The following PIEZO1 variants were observed in gnomAD, a reference collection of about 807,000 sequenced individuals.
PIEZO1 encodes piezo type mechanosensitive ion channel component 1 (Er blood group).
A neutral mutation model predicts 297.2 loss-of-function variants in PIEZO1; 296 were observed. The observed-to-expected ratio is 1.00, with a 90% CI of 0.91 to 1.10. PIEZO1 has a LOEUF of 1.10. PIEZO1 is among the 50% of genes least tolerant of loss of function. The pLI, the probability that PIEZO1 is intolerant of heterozygous loss-of-function variation, is 0.00. For missense variants in PIEZO1, 5,018 were observed against 3,455.5 expected (o/e 1.45, Z -11.34); for synonymous variants, 2,427 against 1,507.5 (o/e 1.61, Z -14.13).
intron 7 of PIEZO1, 28 bp from the exon 8 acceptor site, chr16:88,738,133 A>C: frequency 1.3e-6 from 2 of 1,535,396 alleles, no homozygotes; most frequent in Non-Finnish European, 1.7e-6. Flanking sequence ...GTCACAGCCT[A>C]CCACCCCAGA....
chr16:88,735,277 C>T lies in PIEZO1; in HGVS notation c.1558-31G>A, dbSNP rs1164347026. The T allele has an allele frequency of 1.2e-5, 18 of 1,479,600 alleles. No homozygotes were observed. The East Asian group carries it at 1.2e-4, about 10-fold the overall frequency. The allele number at this position is 1,479,600 out of a possible 1,614,324, so 91.7% of individuals were successfully genotyped here. A position where few individuals can be genotyped will look rare whatever the true frequency, so the allele number is the denominator to read the frequency against. The stretch of plus-strand genomic sequence containing the variant: ...ACAAGCGCAGGGTGTCACAGTCAGC[C>T]GGGGGGCCCAGCACCCCTCCCACAG... On this transcript the variant is annotated intron_variant, in intron 12 of 50. Coordinates refer to ENST00000301015, the MANE Select transcript of PIEZO1 (RefSeq NM_001142864.4).
Position 88,719,136 on chromosome 16 carries a change from G to A in PIEZO1, c.6471+438C>T, listed in dbSNP as rs370413796. The A allele has an allele frequency of 2.5e-5, 5 of 199,016 alleles. No homozygotes were observed. In the East Asian group the frequency reaches 4.1e-4, roughly 16 times the overall value. The allele number at this position is 199,016 out of a possible 1,614,324, so 12.3% of individuals were successfully genotyped here. On this transcript the variant is annotated intron_variant, in intron 44 of 50. Coordinates refer to ENST00000301015, the MANE Select transcript of PIEZO1 (RefSeq NM_001142864.4). ...AGTGCTGGGATGATAGGGGTGAGCC[G>A]CTGTGCCCGGCCCGGGGTTTCTTTT...
intron 1 of PIEZO1, among the ~76,000 whole-genome samples, chr16:88,752,769 CCAACGTCACCCGGCAGGG>C (rs148025163): frequency 0.015 from 2,231 of 152,188 alleles, 59 homozygotes; most frequent in African/African-American, 0.05. Context: ...CCCCGGCAGG[CCAACGTCACCCGGCAGGG>C]CAAGTCCCCT....
chr16:88,716,387 C>G lies in PIEZO1; in HGVS notation c.7023G>C (p.Leu2341=). Residue 2341 remains leucine, a synonymous_variant, in exon 48 of 51, where the codon CTG becomes CTC. Coordinates refer to ENST00000301015, the MANE Select transcript of PIEZO1 (RefSeq NM_001142864.4). The part of the protein sequence containing the change: ...NSTARRQLAS[L]LEGTSDQSVV... Reference sequence around the variant, plus strand: ...CAGACTGGTCCGAGGTGCCCTCGAGCAGGCTGGCCAGCTGCCGCCGTGCAG... The same window carrying G: ...CAGACTGGTCCGAGGTGCCCTCGAGGAGGCTGGCCAGCTGCCGCCGTGCAG... 6.5e-7 allele frequency: 1 copy of G among 1,546,770 alleles called. No individual in the cohort carries two copies. Among genetic ancestry groups the G allele is most frequent in the Non-Finnish European group, 8.7e-7 (1 of 1,144,838 alleles).
At chr16:88,734,282 A>C (rs1905062960) in intron 16 of PIEZO1, 74 bp downstream of exon 16, 1 of 1,362,722 alleles carries the variant, frequency 7.3e-7, no homozygotes, top group Admixed American at 2.8e-5. Context: ...CTCCTGTCCA[A>C]CTCCCACCTG....
intron 27 of PIEZO1, 93 bp downstream of exon 27, chr16:88,726,191 C>T (rs1266373791): frequency 1.8e-6 from 2 of 1,110,000 alleles, no homozygotes; most frequent in Non-Finnish European, 2.5e-6. Flanking sequence ...GCCTGCCCTC[C>T]ACGGGCCGGG....
chr16:88,763,530 AAACAG>A (rs1403210347), intron 1 of PIEZO1, among the ~76,000 whole-genome samples: 3 of 152,162 alleles, frequency 2.0e-5, no homozygotes, highest in African/African-American at 7.2e-5. Flanking sequence ...AAACAAAACA[AAACAG>A]AACAGAACAG....
chr16:88,732,797 C>A (rs1904953823), intron 19 of PIEZO1, 65 bp from the exon 20 acceptor site: 2 of 1,430,338 alleles, frequency 1.4e-6, no homozygotes, highest in East Asian at 5.0e-5. Context: ...CTGCCCGGAG[C>A]CCACCACAGC....
intron 44 of PIEZO1, chr16:88,718,260 G>A (rs1402157667): frequency 1.3e-5 from 2 of 153,256 alleles, no homozygotes; most frequent in East Asian, 1.9e-4. Flanking sequence ...TTGAGGATGT[G>A]GAGAAACCGC....
chr16:88,740,297 T>C (rs1905555665), intron 5 of PIEZO1: 1 of 152,270 alleles, frequency 6.6e-6, no homozygotes, highest in South Asian at 2.1e-4. Context: ...CTCTGAAGTC[T>C]GTCCACGCTG....
Position 88,717,197 on chromosome 16 carries a change from G to A in PIEZO1, c.6486C>T (p.Pro2162=), listed in dbSNP as rs751383814. 4 of 1,549,598 alleles carry A rather than the reference G, an allele frequency of 2.6e-6. No homozygotes were observed. In the South Asian group the frequency reaches 3.6e-5, roughly 14 times the overall value. The part of the protein sequence containing the change: ...SRETEKKYPQ[P]KGQKKKKIVK... ...CGATCTTCTTCTTCTTCTGCCCTTTGGGCTGCGGGTATTTCTGGAGGGGAA... is the reference window on the plus strand; with the variant it reads ...CGATCTTCTTCTTCTTCTGCCCTTTAGGCTGCGGGTATTTCTGGAGGGGAA... The change falls in exon 45 of 51, where the codon CCC becomes CCT. Residue 2162 remains proline, a synonymous_variant. Coordinates refer to ENST00000301015, the MANE Select transcript of PIEZO1 (RefSeq NM_001142864.4).
chr16:88,734,835 A>C (rs774681468), intron 14 of PIEZO1, 37 bp from the exon 15 acceptor site: 7 of 1,549,766 alleles, frequency 4.5e-6, no homozygotes, highest in Non-Finnish European at 5.2e-6. Flanking sequence ...GACCGCGGGG[A>C]GGGTCCGTGC....
At chr16:88,772,450 G>A (rs1441564068) in intron 1 of PIEZO1, among the ~76,000 whole-genome samples, 1 of 152,202 alleles carries the variant, frequency 6.6e-6, no homozygotes, top group African/African-American at 2.4e-5. Context: ...CAGCCCACAG[G>A]CAGGTGGCAG....
At chr16:88,721,067 G>T in intron 39 of PIEZO1, 99 bp downstream of exon 39, 1 of 1,233,008 alleles carries the variant, frequency 8.1e-7, no homozygotes, top group Non-Finnish European at 1.1e-6. Context: ...GGTGGGCCTC[G>T]CACTGGGCTT....
At chr16:88,757,329 G>GGC (rs1906721676) in intron 1 of PIEZO1, among the ~76,000 whole-genome samples, 1 of 126,950 alleles carries the variant, frequency 7.9e-6, no homozygotes, top group Admixed American at 7.3e-5. Flanking sequence ...CGGGGGGGTG[G>GGC]GGGGTAGTTA....
In PIEZO1 at chr16:88,731,720, G is replaced by A. The variant is rs1469175136; in HGVS notation, c.3182C>T (p.Pro1061Leu). The change falls in exon 22 of 51, where the codon CCG becomes CTG. Residue 1061 changes from proline to leucine, a missense_variant. Transcript: ENST00000301015. The stretch of plus-strand genomic sequence containing the variant: ...GTGCCCCTCACCAATGCACAGGGCC[G>A]GGGGCATCCCCAGGCACAGCAGGTA... The part of the protein sequence containing the change: ...YQYLLCLGMP[P>L]ALCIDYPWRW... The A allele has an allele frequency of 4.5e-6, 7 of 1,548,858 alleles. No individual in the cohort carries two copies. The highest frequency in any genetic ancestry group is 1.4e-5 in the African/African-American group (1 of 73,004).
At chr16:88,743,932 G>A in intron 2 of PIEZO1, 1 of 294,862 alleles carries the variant, frequency 3.4e-6, no homozygotes, top group Non-Finnish European at 6.8e-6. Flanking sequence ...AGGAAGGGAG[G>A]CTGCAGCCCC....
In PIEZO1 at chr16:88,715,751, C is replaced by A; in HGVS notation, c.7420G>T (p.Val2474Leu). The A allele has an allele frequency of 6.4e-7, 1 of 1,550,444 alleles. No homozygotes were observed. Among genetic ancestry groups the A allele is most frequent in the Non-Finnish European group, 8.7e-7 (1 of 1,146,970 alleles). The change falls in exon 51 of 51, where the codon GTG becomes TTG. Residue 2474 changes from valine to leucine, a missense_variant. Coordinates refer to ENST00000301015, the MANE Select transcript of PIEZO1 (RefSeq NM_001142864.4). ...TGGCAGAGCTTGAGGATGCGGTCCA[C>A]GCACGGCAGCTCCTCGAACATAATG... is the stretch of plus-strand genomic sequence containing the variant. The part of the protein sequence containing the change: ...HSIMFEELPC[V>L]DRILKLCQDI...
At position 88,732,362 on chromosome 16, in the gene PIEZO1, G is replaced by C. The variant is rs1429644231; in HGVS notation, c.2964C>G (p.Asn988Lys). 6.5e-7 allele frequency: 1 copy of C among 1,549,642 alleles called. No individual in the cohort carries two copies. The highest frequency in any genetic ancestry group is 1.2e-5 in the South Asian group (1 of 84,052). Residue 988 changes from asparagine to lysine, a missense_variant, in exon 21 of 51, where the codon AAC (asparagine) becomes AAG (lysine). Coordinates refer to ENST00000301015, the MANE Select transcript of PIEZO1 (RefSeq NM_001142864.4). Reference sequence around the variant, plus strand: ...CCAGCCCGAATTTGTAGAAGAAGAAGTTGATGAAGTACTTGAGGCAGCCGA... The same window carrying C: ...CCAGCCCGAATTTGTAGAAGAAGAACTTGATGAAGTACTTGAGGCAGCCGA... Reference protein sequence around the residue: ...DLLGCLKYFINFFFYKFGLEI... With the variant: ...DLLGCLKYFIKFFFYKFGLEI...
Sources: gnomAD v4.1 joint callset for allele counts (sites outside exome capture counted in the v4.1 genomes callset) on GRCh38, gnomAD v4.1.1 for gene constraint, MANE v1.5 for transcripts, NCBI Gene and HGNC (gene_info 2026-07-23, HGNC 2026-07-21) for gene names.